Variants in ARHGEF1 observed in about 807,000 individuals in gnomAD.
ARHGEF1 encodes the protein Rho guanine nucleotide exchange factor 1, also known as 115 kDa guanine nucleotide exchange factor.
Under a neutral mutation model 119.7 loss-of-function variants are expected in ARHGEF1, and 40 were observed. That is an observed-to-expected ratio of 0.33 (90% CI 0.26 to 0.44). The LOEUF is 0.44. Among genes scored for constraint, ARHGEF1 ranks in the 20% least tolerant of loss-of-function variants. The pLI is 1.00. For synonymous variants in ARHGEF1, 494 were observed against 521.0 expected (o/e 0.95, Z 0.71); for missense variants, 976 against 1,268.3 (o/e 0.77, Z 3.50).
chr19:41,893,159 T>C (rs1379826697), intron 7 of ARHGEF1, 115 bp from the exon 8 acceptor site: 9 of 1,411,558 alleles, frequency 6.4e-6, no homozygotes, highest in African/African-American at 2.8e-5. Context: ...CAGTGTCCCC[T>C]CTCTGTCTCT....
chr19:41,918,902 AC>A (rs1555852174), upstream of ARHGEF1, among the ~76,000 whole-genome samples: 1 of 149,144 alleles, frequency 6.7e-6, no homozygotes, highest in African/African-American at 2.5e-5. Flanking sequence ...ACTACCCATT[AC>A]ACACATACAC....
At chr19:41,908,024 G>T, downstream of ARHGEF1, 1 of 426,552 alleles carries the variant, frequency 2.3e-6, no homozygotes, top group Non-Finnish European at 4.0e-6. The surrounding 1 kb of genome is among the most constrained non-coding windows in gnomAD (Gnocchi z 6.7). Flanking sequence ...GGAGGAGGCC[G>T]GAGGCCATCA....
Position 41,905,806 on chromosome 19 carries a change from C to T in ARHGEF1, c.2383C>T (p.Arg795Ter), listed in dbSNP as rs906476215. ...LSSSENGNGG[R>*]ETSPADARTE... is the part of the protein sequence containing the mutation. ...CAGCTCTGAGAACGGCAATGGTGGC[C>T]GAGAGACGTCTCCAGCTGATGGTGA... Residue 795 changes from arginine (R) to a stop codon, truncating the protein, a stop_gained, in exon 25 of 29, where the codon CGA (arginine) becomes TGA (stop). Transcript: ENST00000354532. LOFTEE classifies it high-confidence loss of function. The surrounding 1 kb of genome is among the most constrained non-coding windows in gnomAD (Gnocchi z 6.4). The T allele has an allele frequency of 1.9e-6, 3 of 1,614,002 alleles. No individual in the cohort carries two copies. The highest frequency in any genetic ancestry group is 2.7e-5 in the African/African-American group (2 of 74,902).
intron 1 of ARHGEF1, among the ~76,000 whole-genome samples, chr19:41,885,651 A>G (rs1325886237): frequency 1.3e-5 from 2 of 152,144 alleles, no homozygotes; most frequent in African/African-American, 2.4e-5. Context: ...TAGTAGAGAC[A>G]GGGTTTCACT....
chr19:41,918,751 C>T (rs546583314), upstream of ARHGEF1, among the ~76,000 whole-genome samples: 933 of 151,028 alleles, frequency 6.2e-3, 8 homozygotes, highest in Non-Finnish European at 0.011. Context: ...CACATACACA[C>T]ACCACATATA....
At chr19:41,894,331 G>T (rs1555847045) in intron 9 of ARHGEF1, 25 bp downstream of exon 9, 6 of 1,525,484 alleles carry the variant, frequency 3.9e-6, no homozygotes, top group Middle Eastern at 3.5e-4. Context: ...GCCCCGTCCT[G>T]ACCCTTTCCT....
chr19:41,913,059 C>T (rs568110952), intron 18 of ARHGEF1: 11 of 405,228 alleles, frequency 2.7e-5, no homozygotes, highest in South Asian at 1.3e-4. Context: ...CACCCTCTCC[C>T]CGCAATCCCT....
intron 10 of ARHGEF1, 25 bp downstream of exon 10, chr19:41,894,572 T>C: frequency 6.2e-7 from 1 of 1,613,910 alleles, no homozygotes; most frequent in Non-Finnish European, 8.5e-7. Context: ...GCCTCTGCCC[T>C]CCCCTGTCTT....
intron 14 of ARHGEF1, chr19:41,901,053 T>G (rs1446214339): frequency 3.3e-5 from 5 of 151,874 alleles, no homozygotes; most frequent in African/African-American, 1.2e-4. Context: ...CCTCCCAAAT[T>G]GCTGGGATTA....
intron 14 of ARHGEF1, among the ~76,000 whole-genome samples, chr19:41,900,027 G>A (rs1599654447): frequency 6.6e-6 from 1 of 152,160 alleles, no homozygotes; most frequent in Middle Eastern, 3.4e-3. Flanking sequence ...GCCACCTATG[G>A]CTGGTGAGCA....
intron 8 of ARHGEF1, 35 bp from the exon 9 acceptor site, chr19:41,894,172 G>GTGTT: frequency 3.6e-6 from 4 of 1,105,666 alleles, no homozygotes; most frequent in East Asian, 2.5e-5. Context: ...GTGTGTCTTT[G>GTGTT]TGTGTGTTGA....
rs782511246 is a variant in ARHGEF1 at position 41,904,268 on chromosome 19, C to T, written c.2046C>T (p.Asp682=). ...DDLLLLLQRQ[D]ERLLLKSHSR... is the part of the protein sequence containing the mutation. Reference sequence around the variant, plus strand: ...TGCTGCTGCTGCTCCAGCGCCAGGACGAGCGGCTGCTGCTCAAGTCCCATA... The same window carrying T: ...TGCTGCTGCTGCTCCAGCGCCAGGATGAGCGGCTGCTGCTCAAGTCCCATA... The change falls in exon 22 of 29, where the codon GAC becomes GAT. Residue 682 remains aspartate, a synonymous_variant. Coordinates refer to ENST00000354532, the MANE Select transcript of ARHGEF1 (RefSeq NM_004706.4). This position sits in a 1 kb window ranked among gnomAD's most constrained non-coding sequence, Gnocchi z 8.4. 54 of 1,612,792 alleles carry T rather than the reference C, an allele frequency of 3.3e-5. No individual in the cohort carries two copies. The highest frequency in any genetic ancestry group is 4.0e-5 in the Non-Finnish European group (47 of 1,179,802).
chr19:41,893,219 G>C (rs2074406493), intron 7 of ARHGEF1, 55 bp from the exon 8 acceptor site: 1 of 1,609,558 alleles, frequency 6.2e-7, no homozygotes, highest in Non-Finnish European at 8.5e-7. Context: ...ATCCTGGGTG[G>C]ATGGGGACCC....
rs1407391260 is a variant in ARHGEF1 at position 41,892,550 on chromosome 19, G to A, written c.368-53G>A. The A allele has an allele frequency of 8.3e-6, 13 of 1,563,872 alleles. No homozygotes were observed. The highest frequency in any genetic ancestry group is 3.6e-5 in the South Asian group (3 of 83,710). ...TGGAGTCCAAGGGTGGGTGGGGACC[G>A]TGGTCCAAGCCACCAGGGAGCTGGA... On this transcript the variant is annotated intron_variant, in intron 6 of 28. Coordinates refer to ENST00000354532, the MANE Select transcript of ARHGEF1 (RefSeq NM_004706.4). The surrounding 1 kb of genome is among the most constrained non-coding windows in gnomAD (Gnocchi z 6.3).
chr19:41,927,222 C>T (rs2074876816), intron 1 of ARHGEF1, among the ~76,000 whole-genome samples: 2 of 152,100 alleles, frequency 1.3e-5, no homozygotes, highest in African/African-American at 4.8e-5. Flanking sequence ...AGTGGCCCAG[C>T]AGGGCCCTGC....
In ARHGEF1 at chr19:41,892,733, G is replaced by T. The variant is rs1226517079; in HGVS notation, c.498G>T (p.Thr166=). 6.2e-7 allele frequency: 1 copy of T among 1,611,956 alleles called. No homozygotes were observed. Among genetic ancestry groups the T allele is most frequent in the South Asian group, 1.1e-5 (1 of 90,940 alleles). The change falls in exon 7 of 29, where the codon ACG becomes ACT. Residue 166 remains threonine, a synonymous_variant. Coordinates refer to ENST00000354532, the MANE Select transcript of ARHGEF1 (RefSeq NM_004706.4). This position sits in a 1 kb window ranked among gnomAD's most constrained non-coding sequence, Gnocchi z 6.3. ...DFRSKRLMGM[T]PWEQELAQLE... ...GTTCCAAGCGGCTCATGGGCATGAC[G>T]CCCTGGGAGCAGGAGCTGGCCCAGC...
rs1279923180 is a variant in ARHGEF1 at position 41,905,697 on chromosome 19, TC to T, written c.2337-60del. ...GCCTCCCCACCTCCAGCTCTCTGTCTCCCTGCCCCTGCGGCCCCCCAGGGCC... is the reference window on the plus strand; with the variant it reads ...GCCTCCCCACCTCCAGCTCTCTGTCTCCTGCCCCTGCGGCCCCCCAGGGCC... On this transcript the variant is annotated intron_variant, in intron 24 of 28. Transcript: ENST00000354532. This position sits in a 1 kb window ranked among gnomAD's most constrained non-coding sequence, Gnocchi z 6.4. The T allele has an allele frequency of 3.4e-5, 54 of 1,565,868 alleles. No individual in the cohort carries two copies. The highest frequency in any genetic ancestry group is 1.6e-4 in the East Asian group (7 of 44,586).
intron 18 of ARHGEF1, among the ~76,000 whole-genome samples, chr19:41,913,316 C>T (rs956595314): frequency 6.6e-6 from 1 of 151,382 alleles, no homozygotes; most frequent in African/African-American, 2.4e-5. Flanking sequence ...TGCCGTCTCC[C>T]GTCCCCGCTC....
intron 4 of ARHGEF1, among the ~76,000 whole-genome samples, chr19:41,891,498 G>A (rs1273309059): frequency 6.6e-6 from 1 of 152,088 alleles, no homozygotes; most frequent in Non-Finnish European, 1.5e-5. Flanking sequence ...TGGCCTGGCC[G>A]GTCACAAATT....
Sources: gnomAD v4.1 joint callset for allele counts (sites outside exome capture counted in the v4.1 genomes callset) on GRCh38, gnomAD v4.1.1 for gene constraint, Gnocchi (gnomAD v3.1) non-coding constraint, MANE v1.5 for transcripts, NCBI Gene and HGNC (gene_info 2026-07-23, HGNC 2026-07-21) for gene names.